DAB1: variants seen among roughly 807,000 people sequenced by gnomAD.
DAB1 encodes the protein disabled homolog 1.
A neutral mutation model predicts 64.6 loss-of-function variants in DAB1; 15 were observed. The observed-to-expected ratio is 0.23, with a 90% confidence interval of 0.16 to 0.36. The LOEUF is 0.36. Ranked by LOEUF, DAB1 falls within the 10% of genes least tolerant of loss-of-function variation. The probability of loss-of-function intolerance (pLI) is 1.00; values close to 1 mark genes in which losing one functional copy is unlikely to be tolerated. For missense variants in DAB1, 596 were observed against 706.7 expected (o/e 0.84, Z 1.78); for synonymous variants, 235 against 251.9 (o/e 0.93, Z 0.64).
At chr1:57,873,411 A>T (rs995252884) in intron 1 of DAB1, among the ~76,000 whole-genome samples, 17 of 152,180 alleles carry the variant, frequency 1.1e-4, no homozygotes, top group Non-Finnish European at 1.9e-4. Context: ...CTTGTACTGG[A>T]GTAGATGAAT....
At chr1:57,491,806 A>G (rs1288075710) in intron 7 of DAB1, among the ~76,000 whole-genome samples, 2 of 152,172 alleles carry the variant, frequency 1.3e-5, no homozygotes, top group Admixed American at 6.5e-5. Context: ...GGCTTCCACG[A>G]AAGAGAGAAA....
At chr1:57,923,413 CTA>C (rs1644837474) in intron 5 of DAB1, among the ~76,000 whole-genome samples, 1 of 152,214 alleles carries the variant, frequency 6.6e-6, no homozygotes, top group African/African-American at 2.4e-5. Flanking sequence ...GCACACCTCT[CTA>C]TGTCAGTGTC....
chr1:57,720,317 A>G (rs1017551600), intron 6 of DAB1, among the ~76,000 whole-genome samples: 1 of 152,192 alleles, frequency 6.6e-6, no homozygotes, highest in Non-Finnish European at 1.5e-5. Context: ...TGAAGAAACC[A>G]ATGCTCAGAG....
At chr1:57,604,408 G>GA (rs34728915) in intron 7 of DAB1, among the ~76,000 whole-genome samples, 32,442 of 139,852 alleles carry the variant, frequency 0.23, 3,926 homozygotes, top group East Asian at 0.33. Context: ...TATTATAAAA[G>GA]AAAAAAAAAA....
upstream of DAB1, among the ~76,000 whole-genome samples, chr1:57,885,432 T>C (rs957264599): frequency 2.6e-5 from 4 of 152,290 alleles, no homozygotes; most frequent in East Asian, 7.7e-4. Flanking sequence ...CAGTGGCTTA[T>C]TATTGATGGT....
At chr1:58,313,583 G>A (rs1432602372) in intron 4 of DAB1, among the ~76,000 whole-genome samples, 1 of 152,134 alleles carries the variant, frequency 6.6e-6, no homozygotes, top group East Asian at 1.9e-4. Flanking sequence ...TCCAGGGACA[G>A]AACAGGATGA....
chr1:58,216,674 C>T (rs1215519820), intron 4 of DAB1, among the ~76,000 whole-genome samples: 1 of 152,230 alleles, frequency 6.6e-6, no homozygotes, highest in South Asian at 2.1e-4. Context: ...TATTTCTCCA[C>T]ATCCTCTCCA....
chr1:57,560,036 A>G (rs1009061410), intron 7 of DAB1, among the ~76,000 whole-genome samples: 9 of 152,220 alleles, frequency 5.9e-5, no homozygotes, highest in African/African-American at 2.2e-4. Context: ...CAACTGCTGT[A>G]CCAGATGTGG....
intron 4 of DAB1, among the ~76,000 whole-genome samples, chr1:58,284,048 G>A (rs912022723): frequency 1.3e-5 from 2 of 152,094 alleles, no homozygotes; most frequent in Non-Finnish European, 2.9e-5. Context: ...ATAGAATCAG[G>A]GAGAATCTGG....
chr1:57,601,811 A>G (rs954004270), intron 7 of DAB1, among the ~76,000 whole-genome samples: 2 of 152,098 alleles, frequency 1.3e-5, no homozygotes, highest in African/African-American at 4.8e-5. Flanking sequence ...AATTCAACAA[A>G]CACACTATTT....
intron 4 of DAB1, among the ~76,000 whole-genome samples, chr1:58,317,276 C>T (rs927383115): frequency 6.6e-6 from 1 of 152,218 alleles, no homozygotes; most frequent in Non-Finnish European, 1.5e-5. Context: ...TCCATAATGC[C>T]CACATGGCAG....
intron 5 of DAB1, among the ~76,000 whole-genome samples, chr1:57,999,718 C>T (rs904216256): frequency 6.6e-6 from 1 of 151,926 alleles, no homozygotes; most frequent in African/African-American, 2.4e-5. Context: ...ATTTTCCAGC[C>T]CAAATGTCAG....
chr1:57,315,180 T>C (rs1675088155), intron 1 of DAB1, among the ~76,000 whole-genome samples: 1 of 152,206 alleles, frequency 6.6e-6, no homozygotes, highest in Non-Finnish European at 1.5e-5. Context: ...GTCACCTATT[T>C]AAAGTGGTTT....
At chr1:57,875,274 T>G (rs1374998827) in intron 1 of DAB1, 1 of 152,262 alleles carries the variant, frequency 6.6e-6, no homozygotes, top group Non-Finnish European at 1.5e-5. Flanking sequence ...CTACCTCCTG[T>G]CTCCCCTCTC....
At chr1:58,251,067 T>G (rs922504018) in intron 4 of DAB1, among the ~76,000 whole-genome samples, 5 of 152,216 alleles carry the variant, frequency 3.3e-5, no homozygotes, top group Non-Finnish European at 7.3e-5. Context: ...TGAGCTTCCA[T>G]TTCTTCATCT....
intron 2 of DAB1, among the ~76,000 whole-genome samples, chr1:57,223,167 G>A (rs1329812318): frequency 6.6e-6 from 1 of 152,114 alleles, no homozygotes; most frequent in African/African-American, 2.4e-5. Context: ...AGAAACCAAA[G>A]GCAAGTGCTA....
chr1:58,546,282 C>CT (rs1445142637), intron 1 of DAB1, among the ~76,000 whole-genome samples: 1 of 152,228 alleles, frequency 6.6e-6, no homozygotes, highest in Non-Finnish European at 1.5e-5. Flanking sequence ...GCGGTCCCCT[C>CT]TGGCAGAGGT....
At chr1:57,420,656 G>C (rs1684823623) in intron 1 of DAB1, among the ~76,000 whole-genome samples, 1 of 152,160 alleles carries the variant, frequency 6.6e-6, no homozygotes, top group Non-Finnish European at 1.5e-5. Context: ...CTATTACTAA[G>C]AGATCATTCT....
Position 57,557,702 on chromosome 1 carries a change from T to C in DAB1, n.625+91890A>G, listed in dbSNP as rs368843706. The stretch of plus-strand genomic sequence containing the variant: ...TTGGCATGAACTGTTTAGAGAGTTA[T>C]GCAAAATAAATGCATTTGACACTCC... On this transcript the variant is annotated intron_variant and non_coding_transcript_variant, in intron 7 of 20. Coordinates refer to the DAB1 transcript ENST00000485760. 2.4e-4 allele frequency among the ~76,000 whole-genome samples: 37 copies of C among 152,272 alleles called. No homozygotes were observed. In the East Asian group the frequency reaches 3.3e-3, roughly 14 times the overall value.
Sources: allele counts gnomAD v4.1 joint callset (sites outside exome capture counted in the v4.1 genomes callset), GRCh38; gene constraint gnomAD v4.1.1; transcripts MANE v1.5; gene names NCBI Gene and HGNC (gene_info 2026-07-23, HGNC 2026-07-21).